Variants in ARHGAP17 observed in about 807,000 individuals in gnomAD.
ARHGAP17 encodes the protein rho GTPase-activating protein 17.
In ARHGAP17, 57 loss-of-function variants were observed where a neutral mutation model predicts 99.5. The observed-to-expected ratio is 0.57, with a 90% confidence interval of 0.46 to 0.71. The LOEUF (loss-of-function observed/expected upper bound fraction) is 0.71, where lower values mean the gene tolerates loss of function less well. Ranked by LOEUF, ARHGAP17 falls within the 30% of genes least tolerant of loss-of-function variation. ARHGAP17 has a pLI of 0.00. For synonymous variants in ARHGAP17, 417 were observed against 429.6 expected, an observed-to-expected ratio of 0.97 and a Z score of 0.36; for missense variants, 1,000 against 1,122.4, an observed-to-expected ratio of 0.89 and a Z score of 1.56.
intron 19 of ARHGAP17, among the ~76,000 whole-genome samples, chr16:24,928,745 T>G (rs1199303648): frequency 6.6e-6 from 1 of 152,174 alleles, no homozygotes; most frequent in Non-Finnish European, 1.5e-5. Context: ...CAGCTGTACA[T>G]ATGATGAGGG....
In ARHGAP17 at chr16:24,955,272, A is replaced by G. The variant is rs1162090608; in HGVS notation, c.725-542T>C. ...TTGCAGTTACTCTCCATCAGATGCG[A>G]CATCTCCGCGGCATGCAGTGCTTCA... On this transcript the variant is annotated intron_variant, in intron 9 of 19. Transcript: ENST00000289968. This position sits in a 1 kb window ranked among gnomAD's most constrained non-coding sequence, Gnocchi z 4.0. 1 of 152,300 alleles carries G rather than the reference A, an allele frequency of 6.6e-6. No individual in the cohort carries two copies. The highest frequency in any genetic ancestry group is 2.4e-5 in the African/African-American group (1 of 41,466). 9.4% of individuals were successfully genotyped at this position (152,300 alleles called of 1,614,324 possible). A position where few individuals can be genotyped will look rare whatever the true frequency, so the allele number is the denominator to read the frequency against.
intron 14 of ARHGAP17, 130 bp downstream of exon 14, chr16:24,947,352 G>C: frequency 2.5e-6 from 2 of 803,564 alleles, no homozygotes; most frequent in Non-Finnish European, 3.9e-6. Flanking sequence ...AATATAGGCT[G>C]AATGAGAAAA....
chr16:24,961,203 C>A (rs959740090), intron 7 of ARHGAP17, among the ~76,000 whole-genome samples: 5 of 150,818 alleles, frequency 3.3e-5, no homozygotes, highest in Non-Finnish European at 7.4e-5. Context: ...AAAAATATGT[C>A]TTGACAAAAA....
rs762831260 is a variant in ARHGAP17 at position 24,942,105 on chromosome 16, T to A, written c.1372A>T (p.Thr458Ser). 19 of 1,568,784 alleles carry A rather than the reference T, an allele frequency of 1.2e-5. No individual in the cohort carries two copies. The highest frequency in any genetic ancestry group is 1.5e-5 in the Non-Finnish European group (17 of 1,152,826). Residue 458 changes from threonine (T) to serine (S), a missense_variant, in exon 16 of 20, where the codon ACC becomes TCC. Around this residue, in one of 2 missense-constraint regions of ARHGAP17, gnomAD observed 472 missense variants for 611.1 expected, o/e 0.77. Transcript: ENST00000289968. Reference sequence around the variant, plus strand: ...AATGAGTGATTAGAACTCGGGGTGGTGAGAGGTACAAATGCTTCTGATACA... The same window carrying A: ...AATGAGTGATTAGAACTCGGGGTGGAGAGAGGTACAAATGCTTCTGATACA... ...FNVSEAFVPLTTPSSNHSFHT... is the reference protein window; with the variant it reads ...FNVSEAFVPLSTPSSNHSFHT...
At chr16:25,006,483 G>A (rs1029998826) in intron 1 of ARHGAP17, among the ~76,000 whole-genome samples, 7 of 151,104 alleles carry the variant, frequency 4.6e-5, no homozygotes, top group Non-Finnish European at 7.4e-5. Flanking sequence ...GATAATCAAA[G>A]AGGCAGAATT....
At chr16:25,003,587 G>A (rs2053430093) in intron 1 of ARHGAP17, among the ~76,000 whole-genome samples, 1 of 152,098 alleles carries the variant, frequency 6.6e-6, no homozygotes. Context: ...ACTTTGGGAG[G>A]CCGAGGAGGG....
At chr16:24,960,530 G>C (rs1476909120) in intron 7 of ARHGAP17, among the ~76,000 whole-genome samples, 4 of 150,850 alleles carry the variant, frequency 2.7e-5, no homozygotes, top group Non-Finnish European at 5.9e-5. Flanking sequence ...CTGGCCGATA[G>C]AGTGAGACTC....
chr16:24,958,608 C>A (rs1415107356), intron 9 of ARHGAP17, among the ~76,000 whole-genome samples: 1 of 152,218 alleles, frequency 6.6e-6, no homozygotes, highest in East Asian at 1.9e-4. Flanking sequence ...ACTATATGGT[C>A]AGGCAAGACA....
intron 9 of ARHGAP17, among the ~76,000 whole-genome samples, chr16:24,959,114 T>C (rs1455008016): frequency 5.3e-5 from 8 of 151,962 alleles, no homozygotes; most frequent in Non-Finnish European, 1.0e-4. Context: ...TGCTTGAATA[T>C]GATAGGAGAA....
intron 17 of ARHGAP17, among the ~76,000 whole-genome samples, chr16:24,937,808 T>A (rs2051183062): frequency 6.6e-6 from 1 of 152,222 alleles, no homozygotes; most frequent in African/African-American, 2.4e-5. Flanking sequence ...CAAGGCAAAT[T>A]CATCTCTCTG....
At chr16:24,932,108 CAAA>C (rs111457755) in intron 18 of ARHGAP17, among the ~76,000 whole-genome samples, 1 of 87,482 alleles carries the variant, frequency 1.1e-5, no homozygotes, top group Non-Finnish European at 2.5e-5. Flanking sequence ...GAGACCATTT[CAAA>C]AAAAAAAAAA....
Position 24,943,778 on chromosome 16 carries a change from G to A in ARHGAP17, c.1326C>T (p.Phe442=), listed in dbSNP as rs2051384531. ...EPIIQHADWF[F]PEEVEFNVSE... ...AACTGAAGTGAGAATTACCTTCAGGGAAGAACCAGTCGGCATGCTGAATGA... is the reference window on the plus strand; with the variant it reads ...AACTGAAGTGAGAATTACCTTCAGGAAAGAACCAGTCGGCATGCTGAATGA... Residue 442 remains phenylalanine (F), a synonymous_variant, in exon 15 of 20, where the codon TTC becomes TTT. Transcript: ENST00000289968. 3 of 1,613,868 alleles carry A rather than the reference G, an allele frequency of 1.9e-6. No individual in the cohort carries two copies. Among genetic ancestry groups the A allele is most frequent in the East Asian group, 2.2e-5 (1 of 44,894 alleles).
intron 2 of ARHGAP17, 62 bp from the exon 3 acceptor site, chr16:24,977,381 T>C (rs1001910792): frequency 2.2e-6 from 3 of 1,384,784 alleles, no homozygotes; most frequent in South Asian, 2.8e-5. Flanking sequence ...GTCTGCATGC[T>C]GGTAGGAAAA....
intron 18 of ARHGAP17, among the ~76,000 whole-genome samples, chr16:24,932,629 G>C (rs1346946641): frequency 6.6e-6 from 1 of 152,090 alleles, no homozygotes; most frequent in Non-Finnish European, 1.5e-5. Flanking sequence ...TAATAGATAT[G>C]TCCTGGACAA....
At chr16:24,977,683 A>G (rs1484913593) in intron 2 of ARHGAP17, among the ~76,000 whole-genome samples, 1 of 152,062 alleles carries the variant, frequency 6.6e-6, no homozygotes, top group African/African-American at 2.4e-5. Context: ...TGTTTTCAAA[A>G]TTATTCCTTA....
At chr16:24,952,650 G>A (rs753933349) in intron 11 of ARHGAP17, among the ~76,000 whole-genome samples, 2 of 152,178 alleles carry the variant, frequency 1.3e-5, no homozygotes, top group Non-Finnish European at 2.9e-5. Context: ...TTGGTGGGGG[G>A]AGACTGTGAA....
intron 19 of ARHGAP17, among the ~76,000 whole-genome samples, chr16:24,924,878 TAAAA>T (rs754997493): frequency 6.9e-6 from 1 of 145,354 alleles, no homozygotes; most frequent in African/African-American, 2.5e-5. Flanking sequence ...TAAAAAAAAA[TAAAA>T]AAAAAAGCAG....
chr16:24,936,847 GGTGGCTCATGCC>G (rs1369938285), intron 17 of ARHGAP17: 1 of 151,856 alleles, frequency 6.6e-6, no homozygotes, highest in Non-Finnish European at 1.5e-5. Context: ...GGCTGGGCAT[GGTGGCTCATGCC>G]TGTAATCCCA....
rs1387071976 is a variant in ARHGAP17 at position 24,919,471 on chromosome 16, A to G, written c.*659T>C. The G allele has an allele frequency of 6.6e-6, 1 of 152,236 alleles. No individual in the cohort carries two copies. The highest frequency in any genetic ancestry group is 2.4e-5 in the African/African-American group (1 of 41,136). 9.4% of individuals were successfully genotyped at this position (152,236 alleles called of 1,614,324 possible). On this transcript the variant is annotated 3_prime_UTR_variant, in exon 20 of 20. Coordinates refer to ENST00000289968, the MANE Select transcript of ARHGAP17 (RefSeq NM_001006634.3). ...GTTCGGTCCTTATCAAGTAGCAATT[A>G]CATTGTTTAAAAAAAAAAAAAAGAA...
Sources: gnomAD v4.1 joint callset for allele counts (sites outside exome capture counted in the v4.1 genomes callset) on GRCh38, gnomAD v4.1.1 for gene constraint, gnomAD v4.1.1 regional missense constraint, Gnocchi (gnomAD v3.1) non-coding constraint, MANE v1.5 for transcripts, NCBI Gene and HGNC (gene_info 2026-07-23, HGNC 2026-07-21) for gene names.